The following ARB2A variants were observed in gnomAD, a reference collection of about 807,000 sequenced individuals.
ARB2A encodes cotranscriptional regulator ARB2A.
the ARB2A span, among the ~76,000 whole-genome samples, chr5:93,673,398 CTT>C: frequency 6.6e-6 from 1 of 151,226 alleles, no homozygotes; most frequent in Non-Finnish European, 1.5e-5. Context: ...TTTTCTCTCT[CTT>C]TCTTTTCTCT....
At chr5:94,090,494 T>C in the ARB2A span, among the ~76,000 whole-genome samples, 3 of 152,334 alleles carry the variant, frequency 2.0e-5, no homozygotes, top group East Asian at 5.8e-4. Flanking sequence ...ACTTCCTCTC[T>C]TGCTATTTGA....
At chr5:93,674,663 G>C in the ARB2A span, among the ~76,000 whole-genome samples, 3 of 152,090 alleles carry the variant, frequency 2.0e-5, no homozygotes, top group Non-Finnish European at 4.4e-5. Context: ...GGTTTATTGG[G>C]GGTAGAGAAG....
chr5:93,929,649 T>C, the ARB2A span, among the ~76,000 whole-genome samples: 6 of 152,170 alleles, frequency 3.9e-5, no homozygotes, highest in African/African-American at 1.4e-4. Flanking sequence ...GTTAAACCTG[T>C]TGTAAAACTG....
chr5:93,784,162 T>C, the ARB2A span: 2 of 458,690 alleles, frequency 4.4e-6, no homozygotes, highest in South Asian at 2.9e-5. Flanking sequence ...TATAGTGTTC[T>C]ATAGAAAACC....
the ARB2A span, chr5:93,621,018 C>G: frequency 1.2e-6 from 2 of 1,610,552 alleles, no homozygotes; most frequent in Non-Finnish European, 1.7e-6. Context: ...GCGGTGGGAG[C>G]GGCGCGTCAC....
At chr5:93,997,798 C>A in the ARB2A span, among the ~76,000 whole-genome samples, 2 of 152,006 alleles carry the variant, frequency 1.3e-5, no homozygotes, top group African/African-American at 4.8e-5. Flanking sequence ...CAGTCCATGA[C>A]TTATACTAGT....
At chr5:93,916,149 A>G in the ARB2A span, among the ~76,000 whole-genome samples, 1 of 152,116 alleles carries the variant, frequency 6.6e-6, no homozygotes, top group Non-Finnish European at 1.5e-5. Flanking sequence ...TCTTGCAAGT[A>G]AGAGCATTAA....
At chr5:93,909,615 T>C in the ARB2A span, among the ~76,000 whole-genome samples, 1 of 150,932 alleles carries the variant, frequency 6.6e-6, no homozygotes, top group African/African-American at 2.4e-5. Context: ...ATAGAATTGG[T>C]AAGTAAAAAC....
At chr5:94,095,353 C>T in the ARB2A span, among the ~76,000 whole-genome samples, 3 of 152,218 alleles carry the variant, frequency 2.0e-5, no homozygotes, top group East Asian at 1.9e-4. Flanking sequence ...TTTACTAAAT[C>T]GAGATAAGAG....
chr5:93,654,403 T>G, the ARB2A span, among the ~76,000 whole-genome samples: 2 of 152,214 alleles, frequency 1.3e-5, no homozygotes, highest in Non-Finnish European at 2.9e-5. Context: ...TAATCTTTCT[T>G]TCCTCAGCCT....
chr5:93,957,263 A>T, the ARB2A span, among the ~76,000 whole-genome samples: 13 of 152,310 alleles, frequency 8.5e-5, no homozygotes, highest in East Asian at 2.5e-3. Flanking sequence ...GGCTTAGGTG[A>T]TCTATAGCAG....
the ARB2A span, among the ~76,000 whole-genome samples, chr5:93,850,988 GTTC>G: frequency 3.9e-5 from 6 of 151,914 alleles, no homozygotes; most frequent in South Asian, 2.1e-4. Context: ...TCATTGATTG[GTTC>G]TTCTTCTTTT....
chr5:93,824,781 T>C, the ARB2A span, among the ~76,000 whole-genome samples: 1 of 152,244 alleles, frequency 6.6e-6, no homozygotes, highest in Admixed American at 6.5e-5. Context: ...ATGAGCAGGA[T>C]ATTCTTGTGG....
chr5:93,791,505 T>C, the ARB2A span, among the ~76,000 whole-genome samples: 2 of 152,304 alleles, frequency 1.3e-5, no homozygotes, highest in African/African-American at 4.8e-5. Flanking sequence ...GTTCAAAATT[T>C]AAGAGCAAGC....
At chr5:93,713,586 C>A in the ARB2A span, among the ~76,000 whole-genome samples, 12 of 152,100 alleles carry the variant, frequency 7.9e-5, no homozygotes, top group Non-Finnish European at 1.6e-4. Flanking sequence ...GAAAGGGACA[C>A]CCTTGTACAT....
At chr5:93,761,508 G>A in the ARB2A span, among the ~76,000 whole-genome samples, 1 of 152,174 alleles carries the variant, frequency 6.6e-6, no homozygotes, top group Non-Finnish European at 1.5e-5. Context: ...GAGGCTGGGG[G>A]AAGGGCGCCC....
the ARB2A span, among the ~76,000 whole-genome samples, chr5:93,714,094 C>T: frequency 6.6e-6 from 1 of 152,162 alleles, no homozygotes; most frequent in Non-Finnish European, 1.5e-5. Context: ...AAATAAAAAG[C>T]ACTTTGTCTA....
chr5:94,026,847 C>A, the ARB2A span, among the ~76,000 whole-genome samples: 4 of 152,260 alleles, frequency 2.6e-5, no homozygotes, highest in Non-Finnish European at 4.4e-5. Context: ...TATCAATAGC[C>A]CAGCCAAACC....
chr5:94,032,285 C>T, the ARB2A span, among the ~76,000 whole-genome samples: 1 of 152,136 alleles, frequency 6.6e-6, no homozygotes, highest in African/African-American at 2.4e-5. Context: ...GTCATCTACT[C>T]GACTACTGGG....
Sources: allele counts gnomAD v4.1 joint callset (sites outside exome capture counted in the v4.1 genomes callset), GRCh38; gene constraint gnomAD v4.1.1; transcripts MANE v1.5; gene names NCBI Gene and HGNC (gene_info 2026-07-23, HGNC 2026-07-21).